The following SPTLC1 variants were observed in gnomAD, a reference collection of about 807,000 sequenced individuals.
SPTLC1 encodes the protein serine palmitoyltransferase long chain base subunit 1.
SPTLC1 carries 55 observed loss-of-function variants against 68.9 expected under a neutral mutation model. That is an observed-to-expected ratio of 0.80 (90% confidence interval 0.64 to 1.00). The LOEUF (loss-of-function observed/expected upper bound fraction) is 1.00, where lower values mean the gene tolerates loss of function less well. SPTLC1 is among the 50% of genes least tolerant of loss of function. The pLI is 0.00. For missense variants in SPTLC1, 449 were observed against 573.1 expected (o/e 0.78, Z 2.21); for synonymous variants, 197 against 201.6 (o/e 0.98, Z 0.19).
intron 2 of SPTLC1, chr9:92,110,252 A>G (rs763302258): frequency 6.6e-6 from 1 of 152,212 alleles, no homozygotes; most frequent in Non-Finnish European, 1.5e-5. Context: ...ATAACTTAAT[A>G]CTTACATAGA....
At chr9:92,046,122 G>T in intron 11 of SPTLC1, 69 bp from the exon 12 acceptor site, 1 of 1,273,146 alleles carries the variant, frequency 7.9e-7, no homozygotes, top group South Asian at 1.2e-5. Flanking sequence ...AAATATTTTT[G>T]AAGACCCAGA....
chr9:92,080,241 C>G (rs1834831015), intron 4 of SPTLC1, among the ~76,000 whole-genome samples, 153 bp from the exon 5 acceptor site: 1 of 152,188 alleles, frequency 6.6e-6, no homozygotes. Flanking sequence ...GAGTATATGA[C>G]TTAAAATATG....
At chr9:92,068,177 A>G in intron 5 of SPTLC1, 79 bp from the exon 6 acceptor site, 1 of 1,411,822 alleles carries the variant, frequency 7.1e-7, no homozygotes, top group Non-Finnish European at 9.8e-7. Flanking sequence ...AAAAGAACAC[A>G]AGCAGTATAA....
At chr9:92,051,421 C>T (rs142849697) in intron 8 of SPTLC1, 14 of 207,750 alleles carry the variant, frequency 6.7e-5, no homozygotes, top group African/African-American at 2.6e-4. Flanking sequence ...CAAAATCCAA[C>T]AACCTCTCAT....
chr9:92,097,474 A>G (rs958600158), intron 3 of SPTLC1, among the ~76,000 whole-genome samples: 5 of 152,256 alleles, frequency 3.3e-5, no homozygotes, highest in African/African-American at 7.2e-5. Context: ...GTGTGTATCC[A>G]TACACTGAAA....
At chr9:92,078,712 C>G (rs898719111) in intron 5 of SPTLC1, among the ~76,000 whole-genome samples, 3 of 152,298 alleles carry the variant, frequency 2.0e-5, no homozygotes, top group Admixed American at 1.3e-4. Flanking sequence ...TTCTTGGCCT[C>G]CCAAAGTGTT....
At chr9:92,046,908 C>T (rs1371833780) in intron 11 of SPTLC1, among the ~76,000 whole-genome samples, 1 of 152,104 alleles carries the variant, frequency 6.6e-6, no homozygotes, top group East Asian at 1.9e-4. Flanking sequence ...GGCTGAGAGC[C>T]CCTCGTCCTC....
intron 8 of SPTLC1, among the ~76,000 whole-genome samples, chr9:92,052,869 C>A (rs1037081845): frequency 6.6e-6 from 1 of 151,922 alleles, no homozygotes; most frequent in African/African-American, 2.4e-5. Flanking sequence ...CACAAAAGCA[C>A]AAGCAACAAC....
At chr9:92,045,940 T>C (rs1833498478) in intron 12 of SPTLC1, 59 bp downstream of exon 12, 19 of 1,487,914 alleles carry the variant, frequency 1.3e-5, no homozygotes, top group Non-Finnish European at 1.8e-5. Context: ...AAACTTTCCA[T>C]TAGTTGTTAA....
intron 13 of SPTLC1, among the ~76,000 whole-genome samples, chr9:92,036,825 G>A (rs1227315604): frequency 6.6e-6 from 1 of 152,186 alleles, no homozygotes; most frequent in Non-Finnish European, 1.5e-5. Flanking sequence ...TGTATTTAAG[G>A]AACGTTACAA....
chr9:92,037,594 C>T (rs571786624), intron 13 of SPTLC1, among the ~76,000 whole-genome samples: 43 of 152,260 alleles, frequency 2.8e-4, no homozygotes, highest in Middle Eastern at 6.8e-3. Context: ...ACTGTAAACC[C>T]GCGTGCCCAG....
chr9:92,096,985 G>A (rs1835549745), intron 3 of SPTLC1, among the ~76,000 whole-genome samples: 1 of 151,974 alleles, frequency 6.6e-6, no homozygotes, highest in Non-Finnish European at 1.5e-5. Context: ...ATGATAGAAA[G>A]AACCCCCAAT....
chr9:92,049,603 G>C (rs992657957), intron 9 of SPTLC1, among the ~76,000 whole-genome samples: 1 of 152,158 alleles, frequency 6.6e-6, no homozygotes, highest in Non-Finnish European at 1.5e-5. Flanking sequence ...CTGCCGTCAT[G>C]AATACTTCTG....
chr9:92,046,677 C>CT (rs148186062), intron 11 of SPTLC1, among the ~76,000 whole-genome samples: 2,059 of 152,232 alleles, frequency 0.014, 42 homozygotes, highest in African/African-American at 0.048. Flanking sequence ...ATTTTAAATT[C>CT]TTAGTAGACT....
chr9:92,074,360 C>T (rs1834602113), intron 5 of SPTLC1, among the ~76,000 whole-genome samples: 1 of 152,132 alleles, frequency 6.6e-6, no homozygotes, highest in South Asian at 2.1e-4. Context: ...CCCCACCTGC[C>T]CAGTCCCCTT....
intron 3 of SPTLC1, chr9:92,104,483 T>A: frequency 1.4e-6 from 2 of 1,417,050 alleles, no homozygotes; most frequent in Non-Finnish European, 1.9e-6. Flanking sequence ...CTGCCTCCTG[T>A]GGTCTGGAGC....
At chr9:92,081,702 G>A (rs1834890806) in intron 3 of SPTLC1, among the ~76,000 whole-genome samples, 1 of 152,196 alleles carries the variant, frequency 6.6e-6, no homozygotes, top group Admixed American at 6.5e-5. Flanking sequence ...GTCACAATCA[G>A]CCTATTTTAA....
chr9:92,073,854 G>A lies in SPTLC1; in HGVS notation c.428-5756C>T, dbSNP rs576335412. ...CGCCTACCTGCAAAAACTTCAAGGC[G>A]TACAAACCGCAGCGTTTAACTGCCC... On this transcript the variant is annotated intron_variant, in intron 5 of 14. Transcript: ENST00000262554. Among the ~76,000 whole-genome samples, 7 of 152,294 alleles carry A rather than the reference G, an allele frequency of 4.6e-5. No individual in the cohort carries two copies. In the East Asian group the frequency reaches 5.8e-4, roughly 13 times the overall value.
intron 12 of SPTLC1, among the ~76,000 whole-genome samples, chr9:92,045,563 AT>A (rs1226945078): frequency 6.7e-6 from 1 of 149,016 alleles, no homozygotes; most frequent in Non-Finnish European, 1.5e-5. Flanking sequence ...CACTGATAAA[AT>A]TTCACTTGTT....
Sources: gnomAD v4.1 joint callset for allele counts (sites outside exome capture counted in the v4.1 genomes callset) on GRCh38, gnomAD v4.1.1 for gene constraint, MANE v1.5 for transcripts, NCBI Gene and HGNC (gene_info 2026-07-23, HGNC 2026-07-21) for gene names.